Variants in MAP3K15 observed in about 807,000 individuals in gnomAD.
MAP3K15 encodes MAPK/ERK kinase kinase 15.
MAP3K15 carries 124 observed loss-of-function variants against 99.5 expected under a neutral mutation model. The observed-to-expected ratio is 1.25, with a 90% CI of 1.08 to 1.45. The LOEUF (loss-of-function observed/expected upper bound fraction) is 1.45, where lower values mean the gene tolerates loss of function less well. Among genes scored for constraint, MAP3K15 ranks in the 40% most tolerant of loss-of-function variants. The pLI is 0.00. For synonymous variants in MAP3K15, 494 were observed against 439.6 expected (o/e 1.12, Z -1.55); for missense variants, 1,242 against 1,079.7 (o/e 1.15, Z -2.11).
chrX:19,479,192 G>A (rs983086387), intron 3 of MAP3K15, among the ~76,000 whole-genome samples: 3 of 111,708 alleles, frequency 2.7e-5, no homozygotes, highest in African/African-American at 9.8e-5. Context: ...AGGATGTGTT[G>A]CCCCAGTTTC....
chrX:19,505,729 C>T (rs912888983), intron 1 of MAP3K15, among the ~76,000 whole-genome samples: 2 of 109,151 alleles, frequency 1.8e-5, no homozygotes, highest in Admixed American at 9.8e-5. Context: ...GCAATAACTA[C>T]GAGCATAAAT....
chrX:19,410,064 AT>A, intron 11 of MAP3K15, 91 bp from the exon 12 acceptor site: 2 of 751,012 alleles, frequency 2.7e-6, no homozygotes, highest in Non-Finnish European at 4.0e-6. Flanking sequence ...CATTTCTGCT[AT>A]TTTACCTGCA....
intron 14 of MAP3K15, 114 bp from the exon 15 acceptor site, chrX:19,398,473 T>G (rs938345976): frequency 8.6e-5 from 73 of 852,046 alleles, no homozygotes; most frequent in Non-Finnish European, 1.1e-4. Context: ...ATTATTTGAC[T>G]GTCAGGCAAG....
At chrX:19,484,592 T>C (rs1007336134) in intron 3 of MAP3K15, among the ~76,000 whole-genome samples, 5 of 111,832 alleles carry the variant, frequency 4.5e-5, no homozygotes, top group African/African-American at 1.3e-4. Flanking sequence ...TGTAGTGGAA[T>C]TGTAACAGCG....
chrX:19,478,743 C>T (rs763484970), intron 3 of MAP3K15, among the ~76,000 whole-genome samples: 38 of 75,955 alleles, frequency 5.0e-4, no homozygotes, highest in Admixed American at 8.5e-4. Flanking sequence ...TTTTTAATAA[C>T]GTGTTTTTTA....
intron 4 of MAP3K15, among the ~76,000 whole-genome samples, chrX:19,463,972 A>G (rs756789622): frequency 9.0e-6 from 1 of 111,319 alleles, no homozygotes; most frequent in South Asian, 3.9e-4. Context: ...ATCAGAGAGA[A>G]GAGAAGTTAC....
At chrX:19,461,066 G>A (rs1277816458) in intron 4 of MAP3K15, among the ~76,000 whole-genome samples, 1 of 110,978 alleles carries the variant, frequency 9.0e-6, no homozygotes, top group African/African-American at 3.3e-5. Context: ...TGCAAGCTCC[G>A]CCTCCTGGGT....
chrX:19,418,651 A>G (rs1290060385), intron 9 of MAP3K15, among the ~76,000 whole-genome samples: 2 of 111,589 alleles, frequency 1.8e-5, no homozygotes, highest in African/African-American at 6.5e-5. Context: ...CAAACTAGCA[A>G]GGCAGGCCAA....
rs754841411 is a variant in MAP3K15, at chrX:19,469,207, G to C, written c.526-4801C>G. ...GTACTGGTACCAAAACAGAGATATA[G>C]ACCAATGGAACAGAACAGAGCCCTC... is the stretch of plus-strand genomic sequence containing the variant. On this transcript the variant is annotated intron_variant, in intron 3 of 28. Transcript: ENST00000338883. Among the ~76,000 whole-genome samples the C allele has an allele frequency of 2.0e-3, 221 of 111,679 alleles. 1 individual carries two copies. The highest frequency in any genetic ancestry group is 6.7e-3 in the African/African-American group (207 of 30,797).
intron 24 of MAP3K15, among the ~76,000 whole-genome samples, 173 bp downstream of exon 24, chrX:19,370,786 G>A (rs1470310256): frequency 8.9e-6 from 1 of 112,055 alleles, no homozygotes; most frequent in Non-Finnish European, 1.9e-5. Context: ...ACCACGAGAT[G>A]CTCTCAGAAC....
At chrX:19,368,970 A>G (rs2063355036) in intron 25 of MAP3K15, 84 bp downstream of exon 25, 11 of 1,010,026 alleles carry the variant, frequency 1.1e-5, no homozygotes, top group Non-Finnish European at 1.2e-5. Flanking sequence ...GATGGTCAAC[A>G]ATAAAGCCAA....
intron 7 of MAP3K15, among the ~76,000 whole-genome samples, chrX:19,430,323 A>G (rs996681902): frequency 9.0e-6 from 1 of 111,645 alleles, no homozygotes; most frequent in African/African-American, 3.3e-5. Context: ...CACATGGTGG[A>G]GAGCTAAGGT....
chrX:19,374,583 G>C lies in MAP3K15; in HGVS notation c.2667C>G (p.Phe889Leu), dbSNP rs185966397. ...AEARAFILSC[F>L]EPDPHKRATT... ...TGGCACGTTTGTGGGGGTCAGGCTC[G>C]AAACAGGATAAAATGAAGGCTCGGG... is the stretch of plus-strand genomic sequence containing the variant. Residue 889 changes from phenylalanine to leucine, a missense_variant, in exon 20 of 29, where the codon TTC (phenylalanine) becomes TTG (leucine). Coordinates refer to ENST00000338883, the MANE Select transcript of MAP3K15 (RefSeq NM_001001671.4). The C allele has an allele frequency of 1.7e-5, 21 of 1,209,578 alleles. No homozygotes were observed. Among genetic ancestry groups the C allele is most frequent in the East Asian group, 3.0e-5 (1 of 33,738 alleles).
chrX:19,387,227 G>A (rs1265598199), intron 18 of MAP3K15, among the ~76,000 whole-genome samples: 1 of 111,315 alleles, frequency 9.0e-6, no homozygotes, highest in Non-Finnish European at 1.9e-5. Flanking sequence ...ACCCAAGTGA[G>A]CAAAGGTTAA....
At chrX:19,502,979 T>G (rs893319071) in intron 1 of MAP3K15, among the ~76,000 whole-genome samples, 10 of 111,611 alleles carry the variant, frequency 9.0e-5, no homozygotes, top group African/African-American at 3.3e-4. Context: ...GGCCCAACTT[T>G]GAGAGACCAG....
chrX:19,480,566 G>A (rs1602341978), intron 3 of MAP3K15, among the ~76,000 whole-genome samples: 1 of 105,278 alleles, frequency 9.5e-6, no homozygotes, highest in Non-Finnish European at 1.9e-5. Flanking sequence ...TGTAATTCCA[G>A]CACTTTTGGA....
intron 1 of MAP3K15, among the ~76,000 whole-genome samples, chrX:19,504,347 A>G (rs2147428424): frequency 9.0e-6 from 1 of 111,064 alleles, no homozygotes; most frequent in African/African-American, 3.3e-5. Flanking sequence ...AACTGCTTTA[A>G]GCCCAAAGTG....
At chrX:19,444,365 G>T (rs934527454) in intron 6 of MAP3K15, among the ~76,000 whole-genome samples, 1 of 111,326 alleles carries the variant, frequency 9.0e-6, no homozygotes, top group Non-Finnish European at 1.9e-5. Flanking sequence ...TTAAAGGGAG[G>T]GATCACAGGA....
intron 1 of MAP3K15, among the ~76,000 whole-genome samples, chrX:19,497,319 G>A (rs762898056): frequency 7.3e-5 from 8 of 109,020 alleles, no homozygotes; most frequent in Non-Finnish European, 1.3e-4. Flanking sequence ...GCGCCACCAC[G>A]CCTGGCTAAT....
Sources: gnomAD v4.1 joint callset for allele counts (sites outside exome capture counted in the v4.1 genomes callset) on GRCh38, gnomAD v4.1.1 for gene constraint, MANE v1.5 for transcripts, NCBI Gene and HGNC (gene_info 2026-07-23, HGNC 2026-07-21) for gene names.